SDK2: variants seen among roughly 807,000 people sequenced by gnomAD.
The protein encoded by SDK2 is protein sidekick-2.
A neutral mutation model predicts 253.9 loss-of-function variants in SDK2; 105 were observed. The ratio of observed to expected loss-of-function variants is 0.41; its 90% CI spans 0.35 to 0.49. SDK2 has a LOEUF of 0.49. Among genes scored for constraint, SDK2 ranks in the 20% least tolerant of loss-of-function variants. The probability of loss-of-function intolerance (pLI) is 0.06; values close to 1 mark genes in which losing one functional copy is unlikely to be tolerated. For missense variants in SDK2, 2,608 were observed against 3,003.0 expected (o/e 0.87, Z 3.07); for synonymous variants, 1,249 against 1,234.9 (o/e 1.01, Z -0.24).
intron 41 of SDK2, among the ~76,000 whole-genome samples, chr17:73,351,312 G>A (rs1441843555): frequency 3.3e-5 from 5 of 152,176 alleles, no homozygotes; most frequent in Admixed American, 3.3e-4. Flanking sequence ...GTTTCACCAT[G>A]TTGGCCAGGC....
intron 1 of SDK2, among the ~76,000 whole-genome samples, chr17:73,593,840 A>G (rs947428279): frequency 1.3e-5 from 2 of 152,072 alleles, no homozygotes; most frequent in African/African-American, 4.8e-5. Context: ...CTGGCTCCTC[A>G]CTTACCCTCC....
chr17:73,367,587 C>G (rs2062696632), intron 37 of SDK2, among the ~76,000 whole-genome samples: 2 of 152,008 alleles, frequency 1.3e-5, no homozygotes, highest in African/African-American at 2.4e-5. Context: ...ACTGCAACCT[C>G]CACCTCCCGG....
intron 5 of SDK2, among the ~76,000 whole-genome samples, chr17:73,441,147 C>T (rs1025579028): frequency 4.6e-5 from 7 of 152,240 alleles, no homozygotes; most frequent in South Asian, 2.1e-4. Context: ...GGAGAGACAT[C>T]GCTGACCTTG....
chr17:73,401,650 C>A lies in SDK2; in HGVS notation c.2779+4G>T, dbSNP rs1176212486. On this transcript the variant is annotated splice_donor_region_variant and intron_variant, in intron 20 of 44. Transcript: ENST00000392650. The stretch of plus-strand genomic sequence containing the variant: ...CTCTGGTTCAGAAACACTGCAGTGC[C>A]TACCTGTGAGGATGCCATTTTTCTC... 17 of 1,581,762 alleles carry A rather than the reference C, an allele frequency of 1.1e-5. No homozygotes were observed. The highest frequency in any genetic ancestry group is 1.4e-5 in the Non-Finnish European group (16 of 1,162,210).
intron 1 of SDK2, among the ~76,000 whole-genome samples, chr17:73,580,401 G>C (rs961842407): frequency 6.6e-6 from 1 of 152,202 alleles, no homozygotes; most frequent in African/African-American, 2.4e-5. Flanking sequence ...CTTTCCATGG[G>C]GCCCCCAGCT....
At chr17:73,390,254 C>T in intron 29 of SDK2, 33 bp downstream of exon 29, 1 of 1,516,364 alleles carries the variant, frequency 6.6e-7, no homozygotes, top group Non-Finnish European at 8.8e-7. Context: ...CTCAGCTGCC[C>T]CCAAGCCTTC....
chr17:73,348,028 G>T (rs574070167), intron 44 of SDK2, among the ~76,000 whole-genome samples: 131 of 152,340 alleles, frequency 8.6e-4, no homozygotes, highest in African/African-American at 3.1e-3. Flanking sequence ...GCTTAGAAAG[G>T]TTACTTGGCA....
chr17:73,532,927 G>A (rs1322659967), intron 1 of SDK2, among the ~76,000 whole-genome samples: 7 of 152,268 alleles, frequency 4.6e-5, no homozygotes, highest in South Asian at 2.1e-4. Context: ...TCGGCACAGC[G>A]GTTTACCCAG....
intron 1 of SDK2, among the ~76,000 whole-genome samples, chr17:73,548,095 T>C (rs2145832120): frequency 6.6e-6 from 1 of 152,280 alleles, no homozygotes; most frequent in Admixed American, 6.5e-5. Context: ...CCCCCACCTT[T>C]AACACGTGGG....
chr17:73,338,925 A>C lies in SDK2; in HGVS notation c.6181T>G (p.Tyr2061Asp). 6.2e-7 allele frequency: 1 copy of C among 1,613,800 alleles called. No individual in the cohort carries two copies. Among genetic ancestry groups the C allele is most frequent in the South Asian group, 1.1e-5 (1 of 91,060 alleles). ...ISDSQGSDSE[Y>D]EVDSNHQKAH... is the part of the protein sequence containing the mutation. ...TTCTGGTGGTTTGAGTCGACCTCGT[A>C]CTCGCTGTCACTTCCCTGGGAGGAC... is the stretch of plus-strand genomic sequence containing the variant. The change falls in exon 45 of 45, where the codon TAC becomes GAC. Residue 2061 changes from tyrosine (Y) to aspartate (D), a missense_variant. This residue lies in a region of SDK2 where 1,103 missense variants were observed against 1,143.9 expected (regional missense o/e 0.96). Coordinates refer to ENST00000392650, the MANE Select transcript of SDK2 (RefSeq NM_001144952.2). The surrounding 1 kb of genome is among the most constrained non-coding windows in gnomAD (Gnocchi z 5.0).
intron 4 of SDK2, among the ~76,000 whole-genome samples, chr17:73,452,135 GC>G (rs1195029688): frequency 2.6e-5 from 4 of 151,926 alleles, no homozygotes; most frequent in African/African-American, 9.7e-5. Context: ...TGTGTCCAAA[GC>G]CCCCAGCATG....
intron 1 of SDK2, among the ~76,000 whole-genome samples, chr17:73,594,053 G>T (rs1038032033): frequency 1.2e-4 from 18 of 152,166 alleles, no homozygotes; most frequent in African/African-American, 3.4e-4. Context: ...AATATGTCTG[G>T]AATTCCAATC....
At chr17:73,421,552 C>T (rs7405519) in intron 15 of SDK2, among the ~76,000 whole-genome samples, 99,431 of 147,140 alleles carry the variant, frequency 0.68, 34,666 homozygotes, top group Non-Finnish European at 0.75. Flanking sequence ...GAAGCATCTG[C>T]AGCTTTTATT....
chr17:73,491,374 CT>C (rs536017346), intron 2 of SDK2, among the ~76,000 whole-genome samples: 262 of 133,898 alleles, frequency 2.0e-3, no homozygotes, highest in African/African-American at 2.6e-3. Context: ...TGTTTTTTGG[CT>C]TTTTTTTTTT....
Position 73,348,703 on chromosome 17 carries a change from C to T in SDK2, c.6061G>A (p.Gly2021Ser). The stretch of plus-strand genomic sequence containing the variant: ...TCCTCATCCGAGTAGTGCAGGCTGC[C>T]TGGGCTGGGCCTGGGGGGAGACCTG... ...YTRSPPRPSPGSLHYSDEDVT... is the reference protein window; with the variant it reads ...YTRSPPRPSPSSLHYSDEDVT... The change falls in exon 44 of 45, where the codon GGC (glycine) becomes AGC (serine). Residue 2021 changes from glycine to serine, a missense_variant. By Grantham distance (56) the Gly-to-Ser change is moderately conservative. Around this residue, in one of 2 missense-constraint regions of SDK2, gnomAD observed 1,103 missense variants for 1,143.9 expected, o/e 0.96. Transcript: ENST00000392650. 1 of 1,609,850 alleles carries T rather than the reference C, an allele frequency of 6.2e-7. No homozygotes were observed. The highest frequency in any genetic ancestry group is 8.5e-7 in the Non-Finnish European group (1 of 1,179,588).
At chr17:73,614,074 C>A (rs914748547) in intron 1 of SDK2, among the ~76,000 whole-genome samples, 1 of 152,194 alleles carries the variant, frequency 6.6e-6, no homozygotes, top group East Asian at 1.9e-4. Flanking sequence ...CTGGGCCTCC[C>A]TGCCGGCCCC....
rs1282648824 is a variant in SDK2, at chr17:73,538,623, C to T, written c.65-31026G>A. 2.0e-5 allele frequency among the ~76,000 whole-genome samples: 3 copies of T among 152,250 alleles called. No homozygotes were observed. The South Asian group carries it at 6.2e-4, about 32-fold the overall frequency. ...GAATGAACAGAGTCAAACAACTTCT[C>T]GCCCACGCCTAGCCCACACTGGGGA... On this transcript the variant is annotated intron_variant, in intron 1 of 44. Coordinates refer to ENST00000392650, the MANE Select transcript of SDK2 (RefSeq NM_001144952.2).
At chr17:73,384,984 T>A (rs112706059) in intron 32 of SDK2, among the ~76,000 whole-genome samples, 19 of 152,320 alleles carry the variant, frequency 1.2e-4, no homozygotes, top group African/African-American at 4.6e-4. Context: ...GTCATGTTTA[T>A]CTACGGGAGC....
rs185903829 is a variant in SDK2 at position 73,530,870 on chromosome 17, C to A, written c.65-23273G>T. Among the ~76,000 whole-genome samples the A allele has an allele frequency of 7.1e-4, 108 of 152,260 alleles. 1 individual carries two copies. The East Asian group carries it at 0.02, about 28-fold the overall frequency. ...GCTACAAACCCATAGGAAAAGGGGACCCCGTCTGTGTTCTCTGACAAGGGG... is the reference window on the plus strand; with the variant it reads ...GCTACAAACCCATAGGAAAAGGGGAACCCGTCTGTGTTCTCTGACAAGGGG... On this transcript the variant is annotated intron_variant, in intron 1 of 44. Transcript: ENST00000392650.
Sources: gnomAD v4.1 joint callset for allele counts (sites outside exome capture counted in the v4.1 genomes callset) on GRCh38, gnomAD v4.1.1 for gene constraint, gnomAD v4.1.1 regional missense constraint, Gnocchi (gnomAD v3.1) non-coding constraint, MANE v1.5 for transcripts, NCBI Gene and HGNC (gene_info 2026-07-23, HGNC 2026-07-21) for gene names.